The following ADAMTS3 variants were observed in gnomAD, a reference collection of about 807,000 sequenced individuals.
ADAMTS3 encodes the protein A disintegrin and metalloproteinase with thrombospondin motifs 3.
Under a neutral mutation model 129.0 loss-of-function variants are expected in ADAMTS3, and 73 were observed. The observed-to-expected ratio is 0.57, with a 90% confidence interval of 0.47 to 0.69. ADAMTS3 has a LOEUF of 0.69. Ranked by LOEUF, ADAMTS3 falls within the 30% of genes least tolerant of loss-of-function variation. The pLI, the probability that ADAMTS3 is intolerant of heterozygous loss-of-function variation, is 0.00. For synonymous variants in ADAMTS3, 477 were observed against 510.8 expected (o/e 0.93, Z 0.89); for missense variants, 1,457 against 1,514.5 (o/e 0.96, Z 0.63).
intron 3 of ADAMTS3, among the ~76,000 whole-genome samples, chr4:72,543,096 T>C (rs759117785): frequency 6.6e-6 from 1 of 152,166 alleles, no homozygotes; most frequent in Non-Finnish European, 1.5e-5. Flanking sequence ...AATATGTGTA[T>C]TATGAAAAAA....
intron 4 of ADAMTS3, among the ~76,000 whole-genome samples, chr4:72,395,104 T>C (rs971323391): frequency 1.3e-5 from 2 of 152,170 alleles, no homozygotes; most frequent in African/African-American, 4.8e-5. Flanking sequence ...TTTGTATTTT[T>C]AGTAGAGATG....
intron 15 of ADAMTS3, among the ~76,000 whole-genome samples, chr4:72,308,999 T>C (rs1216152142): frequency 6.6e-6 from 1 of 151,974 alleles, no homozygotes; most frequent in Non-Finnish European, 1.5e-5. Context: ...TTAAAAGTTG[T>C]ATCTAAAATT....
At chr4:72,515,352 G>T (rs1241863188) in intron 3 of ADAMTS3, among the ~76,000 whole-genome samples, 2 of 151,638 alleles carry the variant, frequency 1.3e-5, no homozygotes, top group Non-Finnish European at 2.9e-5. Context: ...TATATACCCA[G>T]TAATGGGATG....
chr4:72,449,242 G>T (rs973578904), intron 3 of ADAMTS3, among the ~76,000 whole-genome samples: 1 of 151,362 alleles, frequency 6.6e-6, no homozygotes, highest in Non-Finnish European at 1.5e-5. Flanking sequence ...ACCTAAATCT[G>T]TACCTCCAGC....
At chr4:72,432,141 A>G (rs1014656468) in intron 3 of ADAMTS3, among the ~76,000 whole-genome samples, 2 of 151,912 alleles carry the variant, frequency 1.3e-5, no homozygotes, top group African/African-American at 4.8e-5. Flanking sequence ...CTTCCTAGGT[A>G]CATAGGAGAA....
chr4:72,538,539 T>A (rs1221910920), intron 3 of ADAMTS3, among the ~76,000 whole-genome samples: 1 of 151,934 alleles, frequency 6.6e-6, no homozygotes, highest in Non-Finnish European at 1.5e-5. Context: ...AAAAAATCCC[T>A]TCAAAATTGA....
In ADAMTS3 at chr4:72,461,153, A is replaced by G. The variant is rs1275811548; in HGVS notation, c.505-46182T>C. ...TTCTACCATATCAACTCGATGAACT[A>G]TGAAAAACCCATTAAGAAGAATGTA... On this transcript the variant is annotated intron_variant, in intron 3 of 21. Coordinates refer to ENST00000286657, the MANE Select transcript of ADAMTS3 (RefSeq NM_014243.3). Among the ~76,000 whole-genome samples, 3 of 151,752 alleles carry G rather than the reference A, an allele frequency of 2.0e-5. 1 individual carries two copies. Among genetic ancestry groups the G allele is most frequent in the South Asian group, 4.1e-4 (2 of 4,826 alleles).
intron 4 of ADAMTS3, among the ~76,000 whole-genome samples, chr4:72,393,400 C>A (rs2109896322): frequency 6.6e-6 from 1 of 152,252 alleles, no homozygotes; most frequent in African/African-American, 2.4e-5. Context: ...CACATTTCCT[C>A]TTTGTTGTTT....
intron 4 of ADAMTS3, among the ~76,000 whole-genome samples, chr4:72,372,577 T>C (rs1336392708): frequency 6.6e-6 from 1 of 151,892 alleles, no homozygotes; most frequent in Non-Finnish European, 1.5e-5. Context: ...TTTCCAGAAA[T>C]CTAAAATAAT....
intron 3 of ADAMTS3, among the ~76,000 whole-genome samples, chr4:72,431,775 A>C (rs954529026): frequency 6.6e-6 from 1 of 152,082 alleles, no homozygotes; most frequent in South Asian, 2.1e-4. Context: ...GTGAAGGGAT[A>C]TAACTATTTG....
At chr4:72,497,497 G>C (rs1193647592) in intron 3 of ADAMTS3, among the ~76,000 whole-genome samples, 2 of 151,378 alleles carry the variant, frequency 1.3e-5, no homozygotes, top group Non-Finnish European at 3.0e-5. Flanking sequence ...ATCAAGGAGA[G>C]TCTTTTAGTA....
chr4:72,548,888 T>C lies in ADAMTS3; in HGVS notation c.98-4A>G, dbSNP rs572354001. The C allele has an allele frequency of 5.0e-6, 8 of 1,599,584 alleles. No homozygotes were observed. In the South Asian group the frequency reaches 8.8e-5, roughly 18 times the overall value. ...CTATATCTCTTTATTGGTAAATCTG[T>C]GGGGTGAAAAACAGAACTGTCAAAC... On this transcript the variant is annotated splice_region_variant and splice_polypyrimidine_tract_variant and intron_variant, in intron 2 of 21. Coordinates refer to ENST00000286657, the MANE Select transcript of ADAMTS3 (RefSeq NM_014243.3).
intron 4 of ADAMTS3, among the ~76,000 whole-genome samples, chr4:72,413,467 T>C (rs901186109): frequency 1.3e-5 from 2 of 152,056 alleles, no homozygotes; most frequent in Non-Finnish European, 2.9e-5. Flanking sequence ...TTTAAGAATA[T>C]GAAAATTGAG....
intron 3 of ADAMTS3, among the ~76,000 whole-genome samples, chr4:72,525,102 T>A (rs951315223): frequency 6.6e-6 from 1 of 152,210 alleles, no homozygotes; most frequent in South Asian, 2.1e-4. Flanking sequence ...GCTGTAGTTC[T>A]GCAACTGCAA....
intron 2 of ADAMTS3, among the ~76,000 whole-genome samples, chr4:72,550,246 A>T (rs1721613499): frequency 6.6e-6 from 1 of 151,982 alleles, no homozygotes; most frequent in Admixed American, 6.6e-5. Context: ...CTGCTCACCT[A>T]TGGAGATCAC....
intron 3 of ADAMTS3, among the ~76,000 whole-genome samples, chr4:72,463,793 T>A (rs1718843412): frequency 6.6e-6 from 1 of 151,758 alleles, no homozygotes. Flanking sequence ...ATTTTTTAAC[T>A]TGTCCAGTTA....
At chr4:72,462,564 G>C (rs1288427369) in intron 3 of ADAMTS3, among the ~76,000 whole-genome samples, 2 of 151,890 alleles carry the variant, frequency 1.3e-5, no homozygotes, top group African/African-American at 2.4e-5. Flanking sequence ...TTCCAATGGA[G>C]CTGAAAATTT....
At chr4:72,422,980 A>T (rs1269940444) in intron 3 of ADAMTS3, among the ~76,000 whole-genome samples, 1 of 152,184 alleles carries the variant, frequency 6.6e-6, no homozygotes, top group African/African-American at 2.4e-5. Context: ...AGTCTAAGTG[A>T]CATTTTTAAA....
At chr4:72,408,890 A>G (rs13146054) in intron 4 of ADAMTS3, among the ~76,000 whole-genome samples, 95,177 of 150,742 alleles carry the variant, frequency 0.63, 30,526 homozygotes, top group South Asian at 0.79. Context: ...CACAGGGAGG[A>G]GAACATCACA....
Sources: allele counts gnomAD v4.1 joint callset (sites outside exome capture counted in the v4.1 genomes callset), GRCh38; gene constraint gnomAD v4.1.1; transcripts MANE v1.5; gene names NCBI Gene and HGNC (gene_info 2026-07-23, HGNC 2026-07-21).